MYO16: variants seen among roughly 807,000 people sequenced by gnomAD.
MYO16 encodes unconventional myosin-XVI.
A neutral mutation model predicts 205.3 loss-of-function variants in MYO16; 94 were observed. The observed-to-expected ratio is 0.46, with a 90% confidence interval of 0.39 to 0.54. The LOEUF is 0.54. Among genes scored for constraint, MYO16 ranks in the 20% least tolerant of loss-of-function variants. The pLI, the probability that MYO16 is intolerant of heterozygous loss-of-function variation, is 0.00. For synonymous variants in MYO16, 988 were observed against 954.0 expected (o/e 1.04, Z -0.66); for missense variants, 2,315 against 2,387.5 (o/e 0.97, Z 0.63).
intron 34 of MYO16, among the ~76,000 whole-genome samples, chr13:109,199,932 GT>G (rs1880335693): frequency 6.6e-6 from 1 of 152,088 alleles, no homozygotes; most frequent in Admixed American, 6.6e-5. Flanking sequence ...GCTTTGTATT[GT>G]TTATATAGTA....
intron 15 of MYO16, among the ~76,000 whole-genome samples, chr13:108,903,456 A>G (rs1465214356): frequency 2.0e-5 from 3 of 152,176 alleles, no homozygotes; most frequent in African/African-American, 7.2e-5. Context: ...GTATCTCTGT[A>G]TTGATGCTAT....
At chr13:108,717,376 A>G (rs1215929487) in intron 3 of MYO16, among the ~76,000 whole-genome samples, 1 of 90 alleles carries the variant, frequency 0.011, no homozygotes, top group Non-Finnish European at 0.019. Flanking sequence ...ACGCCCTGTA[A>G]TCTCAAGCAC....
rs142352356 is a variant in MYO16, at chr13:109,196,820, T to G, written c.5416-9789T>G. Among the ~76,000 whole-genome samples the G allele has an allele frequency of 3.0e-3, 456 of 152,296 alleles. 2 individuals carry two copies. Among genetic ancestry groups the G allele is most frequent in the African/African-American group, 0.01 (433 of 41,572 alleles). ...AGAACTGCAAGTGGCCCCCAAACTT[T>G]GAAGCTTTCAGCTCTCTTTTGAATG... is the stretch of plus-strand genomic sequence containing the variant. On this transcript the variant is annotated intron_variant, in intron 34 of 34. Transcript: ENST00000457511.
At chr13:108,987,206 T>C (rs574069769) in intron 20 of MYO16, among the ~76,000 whole-genome samples, 5 of 152,156 alleles carry the variant, frequency 3.3e-5, no homozygotes, top group Non-Finnish European at 7.4e-5. Flanking sequence ...CCATATAGAA[T>C]AGAGAAGGCC....
At chr13:108,637,351 G>T (rs7319108) in intron 1 of MYO16, among the ~76,000 whole-genome samples, 2 of 151,878 alleles carry the variant, frequency 1.3e-5, no homozygotes, top group Admixed American at 6.6e-5. Context: ...TTGTTTGGTG[G>T]ATGGGAAAGG....
intron 2 of MYO16, among the ~76,000 whole-genome samples, chr13:108,698,936 A>C (rs1883191418): frequency 1.3e-5 from 2 of 152,062 alleles, no homozygotes; most frequent in Admixed American, 1.3e-4. Flanking sequence ...CCACCCAAAA[A>C]CTCAAAGAGC....
At chr13:109,176,075 C>T (rs1319225637) in intron 33 of MYO16, among the ~76,000 whole-genome samples, 1 of 152,138 alleles carries the variant, frequency 6.6e-6, no homozygotes, top group Non-Finnish European at 1.5e-5. Flanking sequence ...ATAAAATTGA[C>T]AGCCCCAAGG....
At chr13:108,581,982 A>T in the MYO16 span, among the ~76,000 whole-genome samples, 1 of 151,932 alleles carries the variant, frequency 6.6e-6, no homozygotes, top group Admixed American at 6.6e-5. Flanking sequence ...CAGCATTCCC[A>T]GTGTGTTTAT....
chr13:108,987,600 G>A (rs1370015160), intron 20 of MYO16, among the ~76,000 whole-genome samples: 1 of 152,208 alleles, frequency 6.6e-6, no homozygotes, highest in Non-Finnish European at 1.5e-5. Flanking sequence ...CTATGTACGT[G>A]CAGCTGATCC....
intron 8 of MYO16, among the ~76,000 whole-genome samples, chr13:108,820,977 A>T (rs1875938038): frequency 6.6e-6 from 1 of 152,086 alleles, no homozygotes; most frequent in African/African-American, 2.4e-5. Flanking sequence ...TCATATACTT[A>T]TTTAATAAAT....
chr13:109,060,886 G>A (rs1358754300), intron 27 of MYO16, among the ~76,000 whole-genome samples: 1 of 152,150 alleles, frequency 6.6e-6, no homozygotes, highest in Non-Finnish European at 1.5e-5. Context: ...TTCCTAGGTG[G>A]CATCTTCTTC....
chr13:109,050,292 C>A (rs556324243), intron 24 of MYO16, among the ~76,000 whole-genome samples: 52 of 151,924 alleles, frequency 3.4e-4, no homozygotes, highest in South Asian at 1.2e-3. Flanking sequence ...CCAGTTAATT[C>A]GTAGAAATCG....
chr13:109,179,571 T>C lies in MYO16; in HGVS notation c.5353T>C (p.Leu1785=). Residue 1785 remains leucine, a synonymous_variant, in exon 34 of 35, where the codon TTG becomes CTG. Transcript: ENST00000457511. ...ACCTGAAGAAGATGGATACTCACGG[T>C]TGTCTATAAGTGGCACAGGGACTTC... ...GLPEEDGYSR[L]SISGTGTSTF... 1 of 1,614,046 alleles carries C rather than the reference T, an allele frequency of 6.2e-7. No individual in the cohort carries two copies. The highest frequency in any genetic ancestry group is 8.5e-7 in the Non-Finnish European group (1 of 1,179,896).
In MYO16 at chr13:109,120,354, G is replaced by C. The variant is rs771436619; in HGVS notation, c.3439-16G>C. ...TCTTCATGCTGTTAAATGTTTCCCT[G>C]CTGTTTGCATTTTAGATGGGAGTCC... On this transcript the variant is annotated splice_polypyrimidine_tract_variant and intron_variant, in intron 28 of 34. Coordinates refer to ENST00000457511, the MANE Select transcript of MYO16 (RefSeq NM_001198950.3). 16 of 1,569,074 alleles carry C rather than the reference G, an allele frequency of 1.0e-5. No individual in the cohort carries two copies. The highest frequency in any genetic ancestry group is 1.8e-5 in the Admixed American group (1 of 56,912).
intron 20 of MYO16, among the ~76,000 whole-genome samples, chr13:108,969,592 G>A (rs540496552): frequency 3.3e-5 from 5 of 152,106 alleles, no homozygotes; most frequent in Non-Finnish European, 7.3e-5. Context: ...ACCTCCACTC[G>A]GGTGTTTCAT....
intron 1 of MYO16, among the ~76,000 whole-genome samples, chr13:108,659,563 T>A (rs1881407017): frequency 6.6e-6 from 1 of 152,104 alleles, no homozygotes; most frequent in Admixed American, 6.6e-5. Context: ...ATTACAAAGA[T>A]GAGCTTCATG....
At chr13:109,105,070 C>T (rs1272440745) in intron 28 of MYO16, among the ~76,000 whole-genome samples, 1 of 152,206 alleles carries the variant, frequency 6.6e-6, no homozygotes, top group Non-Finnish European at 1.5e-5. Context: ...CAGAGAAAGA[C>T]ACAGGACAGA....
At chr13:109,033,744 A>G (rs983039463) in intron 23 of MYO16, among the ~76,000 whole-genome samples, 13 of 152,186 alleles carry the variant, frequency 8.5e-5, no homozygotes, top group Admixed American at 3.9e-4. Context: ...TTAAAGGATC[A>G]TGGGAGGAGA....
chr13:109,065,928 C>A (rs1373369132), intron 27 of MYO16, among the ~76,000 whole-genome samples: 1 of 152,172 alleles, frequency 6.6e-6, no homozygotes, highest in Non-Finnish European at 1.5e-5. Context: ...GACAGAAGGA[C>A]TTGTCAATGA....
Sources: allele counts gnomAD v4.1 joint callset (sites outside exome capture counted in the v4.1 genomes callset), GRCh38; gene constraint gnomAD v4.1.1; transcripts MANE v1.5; gene names NCBI Gene and HGNC (gene_info 2026-07-23, HGNC 2026-07-21).